RP1: variants seen among roughly 807,000 people sequenced by gnomAD.
RP1 encodes oxygen-regulated protein 1.
In RP1, 16 loss-of-function variants were observed where a neutral mutation model predicts 14.8. That is an observed-to-expected ratio of 1.08 (90% CI 0.73 to 1.65). The LOEUF (loss-of-function observed/expected upper bound fraction) is 1.65. Ranked by LOEUF, RP1 falls within the 40% of genes most tolerant of loss-of-function variation. The pLI is 0.00. For synonymous variants in RP1, 876 were observed against 883.6 expected (o/e 0.99, Z 0.15); for missense variants, 2,631 against 2,535.0 (o/e 1.04, Z -0.81).
intron 1 of RP1, among the ~76,000 whole-genome samples, chr8:54,601,547 A>G (rs151171655): frequency 0.01 from 1,527 of 148,918 alleles, 27 homozygotes; most frequent in African/African-American, 0.033. Context: ...CATTGTGCAC[A>G]TGTATCCTAA....
intron 17 of RP1, among the ~76,000 whole-genome samples, chr8:54,733,072 C>G (rs544318522): frequency 3.9e-5 from 6 of 152,144 alleles, no homozygotes; most frequent in Admixed American, 1.3e-4. Flanking sequence ...CAGAAGAAAA[C>G]CTCAGATGCT....
At chr8:54,654,050 C>G (rs1345294006) in intron 5 of RP1, among the ~76,000 whole-genome samples, 1 of 152,176 alleles carries the variant, frequency 6.6e-6, no homozygotes, top group Admixed American at 6.5e-5. Flanking sequence ...CAAGTATTCT[C>G]TCACTGCAAG....
intron 24 of RP1, among the ~76,000 whole-genome samples, chr8:54,806,247 G>C (rs944515642): frequency 6.6e-6 from 1 of 152,082 alleles, no homozygotes; most frequent in African/African-American, 2.4e-5. Flanking sequence ...TCGAACTCCT[G>C]ACCTCGTGAT....
At position 54,621,135 on chromosome 8, in the gene RP1, C is replaced by G; in HGVS notation, c.169C>G (p.Pro57Ala). ...CGGCGGGGTCAGGGTGGTGGTCAAC[C>G]CTCGCTCCTTTAAGTCCTTTGATGC... ...QFGGVRVVVN[P>A]RSFKSFDALL... The change falls in exon 2 of 4, where the codon CCT (proline) becomes GCT (alanine). Residue 57 changes from proline (P) to alanine (A), a missense_variant. Physicochemically the swap from Pro to Ala is conservative, Grantham distance 27 (BLOSUM62 -1). Coordinates refer to ENST00000220676, the MANE Select transcript of RP1 (RefSeq NM_006269.2). 1 of 1,614,150 alleles carries G rather than the reference C, an allele frequency of 6.2e-7. No individual in the cohort carries two copies. Among genetic ancestry groups the G allele is most frequent in the Non-Finnish European group, 8.5e-7 (1 of 1,180,018 alleles).
At chr8:54,697,035 TG>T (rs1432711150) in intron 12 of RP1, 22 of 1,503,026 alleles carry the variant, frequency 1.5e-5, no homozygotes, top group Non-Finnish European at 1.6e-5. Flanking sequence ...CACCTTTCAG[TG>T]GCCCGTCACG....
At chr8:54,605,627 C>T (rs202244610) in intron 1 of RP1, among the ~76,000 whole-genome samples, 3 of 152,040 alleles carry the variant, frequency 2.0e-5, no homozygotes, top group South Asian at 4.2e-4. Flanking sequence ...CTGTCTAATG[C>T]TGACAGTGGG....
At chr8:54,731,051 A>C (rs993413206) in intron 17 of RP1, among the ~76,000 whole-genome samples, 2 of 152,148 alleles carry the variant, frequency 1.3e-5, no homozygotes, top group African/African-American at 4.8e-5. Context: ...TAGCATATAG[A>C]GGCTATAAAA....
rs1211905521 is a variant in RP1 at position 54,740,291 on chromosome 8, A to G, written c.2808+1262A>G. Reference sequence around the variant, plus strand: ...ATGTTGTTCCCCTGAATATCTTCCAATGGGTCAAGATGTGGAGGTGTAAGG... The same window carrying G: ...ATGTTGTTCCCCTGAATATCTTCCAGTGGGTCAAGATGTGGAGGTGTAAGG... On this transcript the variant is annotated intron_variant, in intron 19 of 22. Transcript: ENST00000636932. Among the ~76,000 whole-genome samples the G allele has an allele frequency of 1.4e-4, 21 of 150,604 alleles. 1 individual carries two copies. Among genetic ancestry groups the G allele is most frequent in the Admixed American group, 1.4e-3 (21 of 15,098 alleles).
chr8:54,775,245 C>A (rs1810005085), intron 23 of RP1, among the ~76,000 whole-genome samples: 1 of 152,164 alleles, frequency 6.6e-6, no homozygotes, highest in Non-Finnish European at 1.5e-5. Context: ...CTAAAAATGT[C>A]TGTGACTGCA....
chr8:54,707,246 C>T (rs536562167), intron 15 of RP1, among the ~76,000 whole-genome samples: 34 of 152,288 alleles, frequency 2.2e-4, no homozygotes, highest in Middle Eastern at 3.4e-3. Flanking sequence ...GCCTCAGTCT[C>T]CTGAGTAGCT....
chr8:54,658,654 C>G (rs2129328121), intron 6 of RP1, among the ~76,000 whole-genome samples: 1 of 152,120 alleles, frequency 6.6e-6, no homozygotes, highest in Non-Finnish European at 1.5e-5. Context: ...TTGCTTCCAC[C>G]TTCTACCTAT....
intron 19 of RP1, among the ~76,000 whole-genome samples, chr8:54,754,193 G>A (rs1268460960): frequency 1.3e-5 from 2 of 152,152 alleles, no homozygotes; most frequent in Non-Finnish European, 2.9e-5. Flanking sequence ...GTAGGCATTT[G>A]GTCTGTGGCA....
rs368392229 is a variant in RP1, at chr8:54,834,441, G to C, written c.3616-3009G>C. Reference sequence around the variant, plus strand: ...CTTTGTGAATGACACCAAGACTAAAGAATAAAGCATTTTTTAAACCAAGGA... The same window carrying C: ...CTTTGTGAATGACACCAAGACTAAACAATAAAGCATTTTTTAAACCAAGGA... On this transcript the variant is annotated intron_variant, in intron 24 of 28. Transcript: ENST00000637698. 7.2e-5 allele frequency among the ~76,000 whole-genome samples: 11 copies of C among 152,032 alleles called. No individual in the cohort carries two copies. In the East Asian group the frequency reaches 1.9e-3, roughly 27 times the overall value.
At chr8:54,748,873 A>T (rs867209072) in intron 19 of RP1, among the ~76,000 whole-genome samples, 1 of 152,082 alleles carries the variant, frequency 6.6e-6, no homozygotes, top group Admixed American at 6.5e-5. Flanking sequence ...ACAAAGGTTT[A>T]TGATATTTCA....
intron 23 of RP1, among the ~76,000 whole-genome samples, chr8:54,777,766 A>G: frequency 6.6e-6 from 1 of 152,214 alleles, no homozygotes; most frequent in East Asian, 1.9e-4. Flanking sequence ...TGTCTTGTTT[A>G]CAGTATCTTT....
At chr8:54,720,213 G>A (rs933594883) in exon 16 of RP1, 10 of 1,535,760 alleles carry the variant, frequency 6.5e-6, no homozygotes, top group Non-Finnish European at 8.7e-6. Flanking sequence ...GAAGAGCCCA[G>A]GATTGTTTGT....
chr8:54,572,027 A>C (rs974624047), intron 1 of RP1, among the ~76,000 whole-genome samples: 4 of 152,192 alleles, frequency 2.6e-5, no homozygotes, highest in African/African-American at 9.7e-5. Flanking sequence ...AAGGAACCCA[A>C]TTCAGCCCAA....
downstream of RP1, among the ~76,000 whole-genome samples, chr8:54,774,001 T>C (rs1809974222): frequency 6.6e-6 from 1 of 152,212 alleles, no homozygotes; most frequent in Non-Finnish European, 1.5e-5. Context: ...GCGCAAATAG[T>C]GTCTGCTCAA....
At chr8:54,586,027 C>T (rs2129298802) in intron 1 of RP1, among the ~76,000 whole-genome samples, 1 of 152,360 alleles carries the variant, frequency 6.6e-6, no homozygotes, top group East Asian at 1.9e-4. Context: ...CAGCTTTGTT[C>T]CGTTGCAGGT....
Sources: allele counts gnomAD v4.1 joint callset (sites outside exome capture counted in the v4.1 genomes callset), GRCh38; gene constraint gnomAD v4.1.1; transcripts MANE v1.5; gene names NCBI Gene and HGNC (gene_info 2026-07-23, HGNC 2026-07-21).